Variants in MEFV observed in about 807,000 individuals in gnomAD.
MEFV encodes pyrin.
Under a neutral mutation model 62.5 loss-of-function variants are expected in MEFV, and 60 were observed. The ratio of observed to expected loss-of-function variants is 0.96; its 90% CI spans 0.78 to 1.19. The LOEUF (loss-of-function observed/expected upper bound fraction) is 1.19. MEFV is among the 50% of genes most tolerant of loss of function. The pLI, the probability that MEFV is intolerant of heterozygous loss-of-function variation, is 0.00. For synonymous variants in MEFV, 500 were observed against 415.2 expected, an observed-to-expected ratio of 1.20 and a Z score of -2.48; for missense variants, 1,169 against 1,004.5, an observed-to-expected ratio of 1.16 and a Z score of -2.21.
At chr16:3,248,655 T>A in intron 4 of MEFV, 1 of 1,116,580 alleles carries the variant, frequency 9.0e-7, no homozygotes. Context: ...GTCACCGGCA[T>A]AGGTTGCTCT....
intron 6 of MEFV, among the ~76,000 whole-genome samples, chr16:3,245,436 G>A (rs972708115): frequency 6.6e-6 from 1 of 152,168 alleles, no homozygotes; most frequent in African/African-American, 2.4e-5. Flanking sequence ...GAGGTCAGGA[G>A]TTTGAGACCA....
chr16:3,254,131 T>C (rs773948126), intron 2 of MEFV, 27 bp downstream of exon 2: 5 of 1,611,646 alleles, frequency 3.1e-6, no homozygotes, highest in South Asian at 1.1e-5. Context: ...CTGCAGCCGA[T>C]ATAAAGTAGG....
intron 4 of MEFV, 50 bp downstream of exon 4, chr16:3,248,858 TC>T: frequency 6.2e-7 from 1 of 1,612,146 alleles, no homozygotes; most frequent in Non-Finnish European, 8.5e-7. Flanking sequence ...TGCTCACTCT[TC>T]CCACCTTCCT....
chr16:3,243,096 A>G lies in MEFV; in HGVS notation c.*45T>C. The G allele has an allele frequency of 6.2e-7, 1 of 1,600,834 alleles. No homozygotes were observed. The highest frequency in any genetic ancestry group is 2.2e-5 in the East Asian group (1 of 44,816). On this transcript the variant is annotated 3_prime_UTR_variant, in exon 10 of 10. Transcript: ENST00000219596. ...TTCCGTGACTATTGAGTGTGAATGC[A>G]AGATACAAGGCCAGAAGCAGGAAGA...
intron 2 of MEFV, among the ~76,000 whole-genome samples, chr16:3,250,413 A>G (rs1195462307): frequency 6.6e-6 from 1 of 152,080 alleles, no homozygotes; most frequent in Non-Finnish European, 1.5e-5. Flanking sequence ...GTTTGAGACC[A>G]GCCTGGGCAA....
In MEFV at chr16:3,254,678, G is replaced by C. The variant is rs780976880; in HGVS notation, c.390C>G (p.Asn130Lys). 24 of 1,611,854 alleles carry C rather than the reference G, an allele frequency of 1.5e-5. No individual in the cohort carries two copies. The East Asian group carries it at 2.7e-4, about 18-fold the overall frequency. Residue 130 changes from asparagine (N) to lysine (K), a missense_variant, in exon 2 of 10, where the codon AAC becomes AAG. Coordinates refer to ENST00000219596, the MANE Select transcript of MEFV (RefSeq NM_000243.3). Reference protein sequence around the residue: ...TPDHPEGNEGNGPRPYGGGAA... With the variant: ...TPDHPEGNEGKGPRPYGGGAA... The stretch of plus-strand genomic sequence containing the variant: ...CTCCGCCCCCGTACGGCCGAGGGCC[G>C]TTCCCCTCGTTCCCCTCGGGGTGGT...
chr16:3,248,651 G>A (rs567606025), intron 4 of MEFV: 28 of 1,086,872 alleles, frequency 2.6e-5, no homozygotes, highest in East Asian at 2.0e-4. Context: ...AGTAGTCACC[G>A]GCATAGGTTG....
chr16:3,242,250 G>A lies in MEFV; in HGVS notation c.*891C>T, dbSNP rs560081697. On this transcript the variant is annotated 3_prime_UTR_variant, in exon 10 of 10. Coordinates refer to ENST00000219596, the MANE Select transcript of MEFV (RefSeq NM_000243.3). ...ATGGTGGCGGGCGCCTGTAATCCCA[G>A]CTACTTCGGAGGCTGAGGCAGGAGA... The A allele has an allele frequency of 5.2e-4, 108 of 207,412 alleles. No individual in the cohort carries two copies. The highest frequency in any genetic ancestry group is 2.6e-3 in the African/African-American group (106 of 41,492). The allele number at this position is 207,412 out of a possible 1,614,324, so 12.8% of individuals were successfully genotyped here.
In MEFV at chr16:3,242,136, G is replaced by C. The variant is rs1405885143; in HGVS notation, c.*1005C>G. On this transcript the variant is annotated 3_prime_UTR_variant, in exon 10 of 10. Transcript: ENST00000219596. The stretch of plus-strand genomic sequence containing the variant: ...CCTGCACTTTGGGAGGCTGAGGTGG[G>C]TGCATCACCTGAGGTCAGGAGTTTG... 5.3e-6 allele frequency: 1 copy of C among 189,432 alleles called. No homozygotes were observed. Among genetic ancestry groups the C allele is most frequent in the African/African-American group, 2.4e-5 (1 of 41,670 alleles). The allele number at this position is 189,432 out of a possible 1,614,324, so 11.7% of individuals were successfully genotyped here. A position where few individuals can be genotyped will look rare whatever the true frequency, so the allele number is the denominator to read the frequency against.
chr16:3,254,522 C>A lies in MEFV; in HGVS notation c.546G>T (p.Leu182=). 6.4e-7 allele frequency: 1 copy of A among 1,555,566 alleles called. No homozygotes were observed. The highest frequency in any genetic ancestry group is 1.9e-5 in the Admixed American group (1 of 51,396). ...QGKPRTRSPA[L]PGGRSPGPCR... is the part of the protein sequence containing the mutation. Reference sequence around the variant, plus strand: ...AGGGGCCGGGGCTTCTCCCGCCCGGCAGGGCCGGGCTCCGGGTCCGAGGCT... The same window carrying A: ...AGGGGCCGGGGCTTCTCCCGCCCGGAAGGGCCGGGCTCCGGGTCCGAGGCT... The change falls in exon 2 of 10, where the codon CTG becomes CTT. Residue 182 remains leucine, a synonymous_variant. Transcript: ENST00000219596.
In MEFV at chr16:3,254,504, G is replaced by C. The variant is rs775755423; in HGVS notation, c.564C>G (p.Pro188=). 21 of 1,569,406 alleles carry C rather than the reference G, an allele frequency of 1.3e-5. 1 individual carries two copies. Among genetic ancestry groups the C allele is most frequent in the Non-Finnish European group, 1.8e-5 (21 of 1,161,228 alleles). Residue 188 remains proline (P), a synonymous_variant, in exon 2 of 10, where the codon CCC becomes CCG. Coordinates refer to ENST00000219596, the MANE Select transcript of MEFV (RefSeq NM_000243.3). ...CCCCCTCTAGCGCCCTGCAGGGGCC[G>C]GGGCTTCTCCCGCCCGGCAGGGCCG... is the stretch of plus-strand genomic sequence containing the variant. The part of the protein sequence containing the change: ...RSPALPGGRS[P]GPCRALEGGQ...
chr16:3,246,531 A>G lies in MEFV; in HGVS notation c.1604T>C (p.Leu535Ser). ...CCACAGGACCTCGCTGTACCTGTGC[A>G]AGATGTCTCCAATGTCCTAGGAGAA... ...WELLQDIGDI[L>S]HRAKTVPVPE... is the part of the protein sequence containing the mutation. The change falls in exon 6 of 10, where the codon TTG (leucine) becomes TCG (serine). Residue 535 changes from leucine (L) to serine (S), a missense_variant. Physicochemically the swap from Leu to Ser is moderately radical, Grantham distance 145. Transcript: ENST00000219596. 1 of 1,614,086 alleles carries G rather than the reference A, an allele frequency of 6.2e-7. No individual in the cohort carries two copies. The highest frequency in any genetic ancestry group is 8.5e-7 in the Non-Finnish European group (1 of 1,179,994).
intron 6 of MEFV, among the ~76,000 whole-genome samples, chr16:3,245,033 T>C (rs1248227893): frequency 6.6e-6 from 1 of 152,148 alleles, no homozygotes; most frequent in African/African-American, 2.4e-5. Context: ...ATGCCTGTAA[T>C]CCTAGCACTT....
Position 3,248,964 on chromosome 16 carries a change from CTCAGCTTCT to C in MEFV, c.1292_1300del (p.Lys431_Leu433del). The C allele has an allele frequency of 1.9e-6, 3 of 1,614,242 alleles. No homozygotes were observed. The highest frequency in any genetic ancestry group is 2.5e-6 in the Non-Finnish European group (3 of 1,180,036). ...GGATCGCTGCTCCTCCCCTGATTTTCTCAGCTTCTTCAGATGCTCCAGCTGCTTCTGAAT... is the reference window on the plus strand; with the variant it reads ...GGATCGCTGCTCCTCCCCTGATTTTCTCAGATGCTCCAGCTGCTTCTGAAT... On this transcript the variant is annotated inframe_deletion, in exon 4 of 10. Coordinates refer to ENST00000219596, the MANE Select transcript of MEFV (RefSeq NM_000243.3).
intron 7 of MEFV, 83 bp from the exon 8 acceptor site, chr16:3,244,369 T>C (rs1958908095): frequency 6.2e-7 from 1 of 1,607,484 alleles, no homozygotes; most frequent in Non-Finnish European, 8.5e-7. Flanking sequence ...TGAAGGCAGG[T>C]CAGCAAGACC....
intron 2 of MEFV, among the ~76,000 whole-genome samples, chr16:3,252,783 CA>C (rs376447807): frequency 0.27 from 33,006 of 122,208 alleles, 4,461 homozygotes; most frequent in African/African-American, 0.43. Context: ...ACAAAAAATA[CA>C]AAAAAAAAAA....
Position 3,252,347 on chromosome 16 carries a change from C to A in MEFV, c.910+1811G>T, listed in dbSNP as rs1008673516. The stretch of plus-strand genomic sequence containing the variant: ...AGAGTGCAGTGGCATGATCTTGGCT[C>A]ACTGCAACCTCTGCCTCCTCGGTTC... On this transcript the variant is annotated intron_variant, in intron 2 of 9. Transcript: ENST00000219596. 1.1e-4 allele frequency among the ~76,000 whole-genome samples: 16 copies of A among 150,376 alleles called. No individual in the cohort carries two copies. In the Admixed American group the frequency reaches 1.1e-3, roughly 10 times the overall value.
In MEFV at chr16:3,256,340, G is replaced by T. The variant is rs1201136546; in HGVS notation, c.248C>A (p.Ala83Asp). The part of the protein sequence containing the change: ...VLRAINQRLL[A>D]EELHRAAIQE... Reference sequence around the variant, plus strand: ...AATGGCTGCCCTGTGGAGCTCCTCGGCCAGCAGGCGCTGGTTGATGGCCCG... The same window carrying T: ...AATGGCTGCCCTGTGGAGCTCCTCGTCCAGCAGGCGCTGGTTGATGGCCCG... Residue 83 changes from alanine (A) to aspartate (D), a missense_variant, in exon 1 of 10, where the codon GCC becomes GAC. By Grantham distance (126) the Ala-to-Asp change is moderately radical (BLOSUM62 -2). Coordinates refer to ENST00000219596, the MANE Select transcript of MEFV (RefSeq NM_000243.3). 5 of 1,613,916 alleles carry T rather than the reference G, an allele frequency of 3.1e-6. No homozygotes were observed. Among genetic ancestry groups the T allele is most frequent in the Non-Finnish European group, 4.2e-6 (5 of 1,180,006 alleles).
In MEFV at chr16:3,247,016, C is replaced by T; in HGVS notation, c.1587G>A (p.Gln529=). 6.2e-7 allele frequency: 1 copy of T among 1,614,154 alleles called. No homozygotes were observed. The highest frequency in any genetic ancestry group is 8.5e-7 in the Non-Finnish European group (1 of 1,179,980). The change falls in exon 5 of 10, where the codon CAG becomes CAA. Residue 529 remains glutamine (Q), a splice_region_variant and synonymous_variant. Coordinates refer to ENST00000219596, the MANE Select transcript of MEFV (RefSeq NM_000243.3). ...KECQSEWELL[Q]DIGDILHRAK... is the part of the protein sequence containing the mutation. ...GAAAGCCGGGCCCAGGCACACCCAC[C>T]TGCAGAAGTTCCCATTCTGACTGGC...
Sources: allele counts gnomAD v4.1 joint callset (sites outside exome capture counted in the v4.1 genomes callset), GRCh38; gene constraint gnomAD v4.1.1; transcripts MANE v1.5; gene names NCBI Gene and HGNC (gene_info 2026-07-23, HGNC 2026-07-21).